The following CDH18 variants were observed in gnomAD, a reference collection of about 807,000 sequenced individuals.
CDH18 encodes the protein cadherin 18, also known as cadherin-18.
CDH18 carries 31 observed loss-of-function variants against 67.9 expected under a neutral mutation model. The ratio of observed to expected loss-of-function variants is 0.46; its 90% CI spans 0.34 to 0.62. The LOEUF is 0.62. Among genes scored for constraint, CDH18 ranks in the 20% least tolerant of loss-of-function variants. The pLI, the probability that CDH18 is intolerant of heterozygous loss-of-function variation, is 0.01. For synonymous variants in CDH18, 362 were observed against 347.2 expected (o/e 1.04, Z -0.48); for missense variants, 890 against 975.5 (o/e 0.91, Z 1.17).
intron 3 of CDH18, among the ~76,000 whole-genome samples, chr5:19,814,583 C>T (rs2149912853): frequency 6.6e-6 from 1 of 152,056 alleles, no homozygotes; most frequent in South Asian, 2.1e-4. Flanking sequence ...GGCGTTAAAA[C>T]TTTCACGAAC....
At chr5:20,036,665 T>C (rs1739890870) in intron 2 of CDH18, among the ~76,000 whole-genome samples, 1 of 151,958 alleles carries the variant, frequency 6.6e-6, no homozygotes, top group African/African-American at 2.4e-5. Context: ...GTATTGAATA[T>C]CTTTGTAATT....
At chr5:20,473,543 A>C (rs1752233032) in intron 1 of CDH18, among the ~76,000 whole-genome samples, 1 of 151,878 alleles carries the variant, frequency 6.6e-6, no homozygotes, top group African/African-American at 2.4e-5. Flanking sequence ...ATAATGTATA[A>C]ATTCATTTTT....
rs766955714 is a variant in CDH18 at position 19,748,112 on chromosome 5, C to CAAAAAA, written c.229-882_229-877dup. ...TGGGAGACAGAGCGAGACTCCATCT[C>CAAAAAA]AAAAAAAAAAAAAAAAAAAAAGAGT... On this transcript the variant is annotated intron_variant, in intron 3 of 12. Coordinates refer to ENST00000382275, the MANE Select transcript of CDH18 (RefSeq NM_004934.5). Among the ~76,000 whole-genome samples the CAAAAAA allele has an allele frequency of 9.1e-3, 135 of 14,818 alleles. 42 individuals are homozygous for CAAAAAA. The highest frequency in any genetic ancestry group is 0.013 in the Non-Finnish European group (95 of 7,592). 9.7% of individuals were successfully genotyped at this position (14,818 alleles called of 152,430 possible).
chr5:20,206,062 T>C (rs554183919), intron 2 of CDH18, among the ~76,000 whole-genome samples: 1 of 151,738 alleles, frequency 6.6e-6, no homozygotes, highest in Non-Finnish European at 1.5e-5. Flanking sequence ...GAAGTTGATT[T>C]TAAGAAAGAT....
chr5:19,810,005 G>A (rs1429685889), intron 3 of CDH18, among the ~76,000 whole-genome samples: 1 of 152,066 alleles, frequency 6.6e-6, no homozygotes, highest in Non-Finnish European at 1.5e-5. Flanking sequence ...TTATTTATGT[G>A]GTTTGGAAGA....
chr5:20,456,219 CTAAA>C (rs1750825457), intron 1 of CDH18, among the ~76,000 whole-genome samples: 1 of 151,980 alleles, frequency 6.6e-6, no homozygotes. Context: ...TGGAGATTTA[CTAAA>C]TAGACATTCC....
chr5:20,457,079 C>A (rs1292630063), intron 1 of CDH18, among the ~76,000 whole-genome samples: 1 of 152,120 alleles, frequency 6.6e-6, no homozygotes. Context: ...ACTACTTTTA[C>A]GTGCAAGCAG....
chr5:19,552,270 T>C (rs1284000995), intron 8 of CDH18, among the ~76,000 whole-genome samples: 1 of 152,190 alleles, frequency 6.6e-6, no homozygotes, highest in Non-Finnish European at 1.5e-5. Context: ...CATTGAGTAA[T>C]ATTTAAACAT....
intron 3 of CDH18, among the ~76,000 whole-genome samples, chr5:19,801,460 G>C (rs1777462795): frequency 6.6e-6 from 1 of 152,116 alleles, no homozygotes; most frequent in South Asian, 2.1e-4. Context: ...TATCAATTCA[G>C]TATAATTTCA....
chr5:20,188,770 T>C (rs1279345759), intron 2 of CDH18, among the ~76,000 whole-genome samples: 1 of 149,454 alleles, frequency 6.7e-6, no homozygotes, highest in East Asian at 2.0e-4. Flanking sequence ...ATCTGTAATC[T>C]AGGCTTTTGC....
chr5:20,202,330 G>T (rs2126306063), intron 2 of CDH18, among the ~76,000 whole-genome samples: 1 of 152,240 alleles, frequency 6.6e-6, no homozygotes, highest in Admixed American at 6.5e-5. Context: ...GGGGTGCTGA[G>T]AAATTTATTG....
At chr5:19,605,477 T>C (rs952412814) in intron 6 of CDH18, among the ~76,000 whole-genome samples, 1 of 152,042 alleles carries the variant, frequency 6.6e-6, no homozygotes, top group Non-Finnish European at 1.5e-5. Flanking sequence ...GAGTTCATCC[T>C]TTCAATTTAG....
chr5:20,432,696 G>T (rs934670125), intron 1 of CDH18, among the ~76,000 whole-genome samples: 14 of 151,590 alleles, frequency 9.2e-5, no homozygotes, highest in Non-Finnish European at 1.6e-4. Flanking sequence ...TATCTACTCT[G>T]CTTTAAAGAA....
intron 2 of CDH18, among the ~76,000 whole-genome samples, chr5:20,100,836 T>C (rs1746401094): frequency 6.6e-6 from 1 of 152,204 alleles, no homozygotes; most frequent in Admixed American, 6.5e-5. Flanking sequence ...GGCATCTATC[T>C]GTTGTTTAGT....
chr5:19,782,554 C>T (rs905917364), intron 3 of CDH18, among the ~76,000 whole-genome samples: 1 of 151,932 alleles, frequency 6.6e-6, no homozygotes, highest in Non-Finnish European at 1.5e-5. Flanking sequence ...AATGAAAAGA[C>T]GTATACTTAA....
At chr5:20,304,389 C>T in intron 1 of CDH18, 1 of 1,410,990 alleles carries the variant, frequency 7.1e-7, no homozygotes, top group Middle Eastern at 1.9e-4. Context: ...AAAGCATCTT[C>T]TTCTTTTACT....
At chr5:19,612,390 A>G in intron 6 of CDH18, 44 bp downstream of exon 6, 2 of 1,579,686 alleles carry the variant, frequency 1.3e-6, no homozygotes, top group South Asian at 1.1e-5. Context: ...TACTTTACAT[A>G]AAGAGATAAT....
intron 2 of CDH18, among the ~76,000 whole-genome samples, chr5:20,007,061 C>A (rs1236253292): frequency 1.3e-5 from 2 of 151,636 alleles, no homozygotes; most frequent in East Asian, 3.9e-4. Flanking sequence ...ACTGGAAGTA[C>A]CAAGACACTT....
chr5:20,382,322 G>T (rs1743974514), intron 1 of CDH18, among the ~76,000 whole-genome samples: 1 of 152,170 alleles, frequency 6.6e-6, no homozygotes, highest in Non-Finnish European at 1.5e-5. Flanking sequence ...AAGATGAGGA[G>T]ATCATGGAAC....
Sources: allele counts gnomAD v4.1 joint callset (sites outside exome capture counted in the v4.1 genomes callset), GRCh38; gene constraint gnomAD v4.1.1; transcripts MANE v1.5; gene names NCBI Gene and HGNC (gene_info 2026-07-23, HGNC 2026-07-21).